Variants in FOXP2 observed in about 807,000 individuals in gnomAD.
The protein encoded by FOXP2 is forkhead box P2.
In FOXP2, 12 loss-of-function variants were observed where a neutral mutation model predicts 115.8. That is an observed-to-expected ratio of 0.10 (90% confidence interval 0.07 to 0.17). The LOEUF (loss-of-function observed/expected upper bound fraction) is 0.17. Among genes scored for constraint, FOXP2 ranks in the 10% least tolerant of loss-of-function variants. The pLI is 1.00. For synonymous variants in FOXP2, 328 were observed against 297.7 expected, an observed-to-expected ratio of 1.10 and a Z score of -1.05; for missense variants, 629 against 843.5, an observed-to-expected ratio of 0.75 and a Z score of 3.15.
At chr7:114,252,050 A>G (rs1035063864) in intron 1 of FOXP2, among the ~76,000 whole-genome samples, 3 of 152,160 alleles carry the variant, frequency 2.0e-5, no homozygotes, top group Admixed American at 6.5e-5. Context: ...TGAGATAATC[A>G]TGTGGTTTTT....
intron 2 of FOXP2, among the ~76,000 whole-genome samples, chr7:114,526,991 A>ATTTTTTTT (rs200748852): frequency 3.1e-5 from 4 of 128,846 alleles, no homozygotes; most frequent in Non-Finnish European, 4.9e-5. Flanking sequence ...CCACTAATCT[A>ATTTTTTTT]TTTTTTTTTT....
chr7:114,171,036 T>C (rs1793123006), intron 1 of FOXP2, among the ~76,000 whole-genome samples: 1 of 152,218 alleles, frequency 6.6e-6, no homozygotes, highest in Admixed American at 6.5e-5. Flanking sequence ...ACAGGCTGAC[T>C]CTTTTGTTAG....
intron 2 of FOXP2, among the ~76,000 whole-genome samples, chr7:114,337,197 G>A (rs1325600885): frequency 6.6e-6 from 1 of 151,212 alleles, no homozygotes; most frequent in Non-Finnish European, 1.5e-5. Context: ...TTCAAGAGAG[G>A]GTGACCTTTT....
chr7:114,689,026 G>A (rs1292653358), intron 16 of FOXP2, among the ~76,000 whole-genome samples: 1 of 152,118 alleles, frequency 6.6e-6, no homozygotes, highest in African/African-American at 2.4e-5. Flanking sequence ...GGTGCTATCT[G>A]TGAACCTTCA....
chr7:114,383,835 C>T (rs536225229), intron 2 of FOXP2, among the ~76,000 whole-genome samples: 6 of 152,270 alleles, frequency 3.9e-5, no homozygotes, highest in Admixed American at 1.3e-4. Context: ...AGTTATTTTC[C>T]GATGAGCATT....
intron 3 of FOXP2, among the ~76,000 whole-genome samples, chr7:114,617,611 T>G (rs1478739403): frequency 6.6e-6 from 1 of 152,140 alleles, no homozygotes; most frequent in Non-Finnish European, 1.5e-5. Context: ...CTGGCCAATG[T>G]GGTGAAACCC....
intron 2 of FOXP2, among the ~76,000 whole-genome samples, chr7:114,300,670 T>C (rs1202611508): frequency 6.6e-6 from 1 of 152,064 alleles, no homozygotes; most frequent in Non-Finnish European, 1.5e-5. Context: ...TCTTTTCTTG[T>C]GTTTCTGCTC....
intron 2 of FOXP2, among the ~76,000 whole-genome samples, chr7:114,376,516 C>T (rs1001146417): frequency 6.6e-6 from 1 of 152,156 alleles, no homozygotes; most frequent in African/African-American, 2.4e-5. Context: ...ATTTCTGCCA[C>T]GTTTCAGGCA....
chr7:114,494,477 G>A lies in FOXP2; in HGVS notation c.169-40140G>A, dbSNP rs557965582. 8.5e-5 allele frequency among the ~76,000 whole-genome samples: 13 copies of A among 152,128 alleles called. No homozygotes were observed. In the East Asian group the frequency reaches 2.5e-3, roughly 29 times the overall value. On this transcript the variant is annotated intron_variant, in intron 2 of 16. Transcript: ENST00000350908. Reference sequence around the variant, plus strand: ...TGGGATTACAAATGCATGCCACCATGACCTGCTAAAACAATATTTCTCTTT... The same window carrying A: ...TGGGATTACAAATGCATGCCACCATAACCTGCTAAAACAATATTTCTCTTT...
chr7:114,578,589 T>C (rs1009333776), intron 3 of FOXP2, among the ~76,000 whole-genome samples: 15 of 152,148 alleles, frequency 9.9e-5, no homozygotes, highest in African/African-American at 3.6e-4. Flanking sequence ...TTGTTTTAGT[T>C]TTAATTCTAT....
intron 3 of FOXP2, among the ~76,000 whole-genome samples, chr7:114,567,117 G>T (rs1480202102): frequency 6.6e-6 from 1 of 151,828 alleles, no homozygotes; most frequent in Non-Finnish European, 1.5e-5. Context: ...CAATGTCTTG[G>T]GAATTTTTGT....
At position 114,210,181 on chromosome 7, in the gene FOXP2, G is replaced by T. The variant is rs1428170863; in HGVS notation, c.-102+47093G>T. On this transcript the variant is annotated intron_variant, in intron 1 of 17. Transcript: ENST00000634411. ...CACTTCTGTGCCCCCTGCTGGAGAG[G>T]TGTTATGGTCATTTGGAGGAGAACA... Among the ~76,000 whole-genome samples, 4 of 152,256 alleles carry T rather than the reference G, an allele frequency of 2.6e-5. No homozygotes were observed. The South Asian group carries it at 6.2e-4, about 24-fold the overall frequency.
chr7:114,549,530 ACT>A (rs1487638419), intron 3 of FOXP2, among the ~76,000 whole-genome samples: 1 of 152,024 alleles, frequency 6.6e-6, no homozygotes, highest in Non-Finnish European at 1.5e-5. Context: ...GCTATATGTG[ACT>A]CTGCCCAGCC....
chr7:114,668,971 G>A (rs1807337791), intron 16 of FOXP2: 1 of 151,996 alleles, frequency 6.6e-6, no homozygotes, highest in Non-Finnish European at 1.5e-5. Flanking sequence ...AAGAACAGAT[G>A]AGTAAATATA....
chr7:114,349,598 G>A (rs951155852), intron 2 of FOXP2, among the ~76,000 whole-genome samples: 8 of 151,952 alleles, frequency 5.3e-5, no homozygotes, highest in Non-Finnish European at 8.8e-5. Flanking sequence ...TTATTTAAAG[G>A]ACAATAGGAT....
intron 2 of FOXP2, among the ~76,000 whole-genome samples, chr7:114,494,656 G>A (rs968999544): frequency 1.1e-4 from 16 of 151,986 alleles, no homozygotes; most frequent in African/African-American, 3.9e-4. Context: ...AAAAACAATG[G>A]AAGATGTATT....
At chr7:114,125,712 G>A (rs566700351) in intron 1 of FOXP2, among the ~76,000 whole-genome samples, 12 of 152,038 alleles carry the variant, frequency 7.9e-5, no homozygotes, top group Non-Finnish European at 1.2e-4. Flanking sequence ...CTTCCTTCCC[G>A]CTAGCCTGCT....
At chr7:114,421,326 G>T (rs1215657828) in intron 1 of FOXP2, among the ~76,000 whole-genome samples, 1 of 151,592 alleles carries the variant, frequency 6.6e-6, no homozygotes. Context: ...TGAAATGGAA[G>T]ATAAGTTTTT....
chr7:114,618,289 G>A (rs766639939), intron 3 of FOXP2, among the ~76,000 whole-genome samples: 9 of 152,156 alleles, frequency 5.9e-5, no homozygotes, highest in Non-Finnish European at 1.2e-4. Context: ...CATAGAGCCA[G>A]TGTTGGAGGA....
Sources: gnomAD v4.1 joint callset for allele counts (sites outside exome capture counted in the v4.1 genomes callset) on GRCh38, gnomAD v4.1.1 for gene constraint, MANE v1.5 for transcripts, NCBI Gene and HGNC (gene_info 2026-07-23, HGNC 2026-07-21) for gene names.